CYYR1: variants seen among roughly 807,000 people sequenced by gnomAD.
CYYR1 encodes cysteine and tyrosine rich 1, also known as cysteine and tyrosine-rich protein 1.
In CYYR1, 14 loss-of-function variants were observed where a neutral mutation model predicts 15.2. The ratio of observed to expected loss-of-function variants is 0.92; its 90% CI spans 0.61 to 1.44. The LOEUF is 1.44. Among genes scored for constraint, CYYR1 ranks in the 40% most tolerant of loss-of-function variants. CYYR1 has a pLI of 0.00. For missense variants in CYYR1, 228 were observed against 209.5 expected (o/e 1.09, Z -0.54); for synonymous variants, 80 against 77.4 (o/e 1.03, Z -0.18).
chr21:26,482,273 T>G, intron 2 of CYYR1: 1 of 965,882 alleles, frequency 1.0e-6, no homozygotes, highest in Non-Finnish European at 1.2e-6. Context: ...AACTTACTAT[T>G]TTTAAACAAT....
chr21:26,489,828 T>C (rs2065302699), intron 2 of CYYR1, among the ~76,000 whole-genome samples: 1 of 152,166 alleles, frequency 6.6e-6, no homozygotes, highest in South Asian at 2.1e-4. Context: ...ACAGGTATAA[T>C]TGTATCCCCA....
chr21:26,535,645 C>G (rs558104521), intron 2 of CYYR1, among the ~76,000 whole-genome samples: 2 of 152,292 alleles, frequency 1.3e-5, no homozygotes, highest in African/African-American at 4.8e-5. Context: ...ACTAGGGGCT[C>G]TCTCCAATTT....
chr21:26,472,461 C>A (rs2065047671), intron 3 of CYYR1, among the ~76,000 whole-genome samples: 1 of 151,902 alleles, frequency 6.6e-6, no homozygotes, highest in Admixed American at 6.6e-5. Flanking sequence ...TAAGGGTATA[C>A]AAGTACATTA....
intron 2 of CYYR1, 106 bp downstream of exon 2, chr21:26,566,160 T>C (rs1210996871): frequency 3.9e-6 from 3 of 760,846 alleles, no homozygotes; most frequent in Admixed American, 2.5e-5. Flanking sequence ...ATAACCAATC[T>C]TGAAATCTCT....
chr21:26,516,291 T>C (rs1356547220), intron 2 of CYYR1, among the ~76,000 whole-genome samples: 4 of 152,234 alleles, frequency 2.6e-5, no homozygotes, highest in African/African-American at 9.7e-5. Flanking sequence ...CAACTTGAAC[T>C]GTAGGGCAAA....
chr21:26,560,491 T>C (rs543149591), intron 2 of CYYR1, among the ~76,000 whole-genome samples: 76 of 152,320 alleles, frequency 5.0e-4, no homozygotes, highest in Admixed American at 2.2e-3. Flanking sequence ...AGGCACTAGT[T>C]TGTCATATTT....
chr21:26,473,560 T>C (rs1192451036), intron 3 of CYYR1, among the ~76,000 whole-genome samples: 1 of 152,136 alleles, frequency 6.6e-6, no homozygotes, highest in African/African-American at 2.4e-5. Flanking sequence ...TTTCCAAAAG[T>C]TCCCCACCCC....
chr21:26,482,527 A>G (rs2065195690), intron 2 of CYYR1: 1 of 984,818 alleles, frequency 1.0e-6, no homozygotes, highest in South Asian at 4.7e-5. Flanking sequence ...TCTGGACCCA[A>G]TTCTTGCTAA....
intron 2 of CYYR1, chr21:26,551,540 T>C (rs912032204): frequency 2.6e-5 from 4 of 152,766 alleles, no homozygotes; most frequent in African/African-American, 9.6e-5. Context: ...AAGAAATTTA[T>C]TCCAGCCCTC....
chr21:26,509,339 T>C (rs2123507313), intron 2 of CYYR1, among the ~76,000 whole-genome samples: 1 of 152,294 alleles, frequency 6.6e-6, no homozygotes, highest in Middle Eastern at 3.4e-3. Flanking sequence ...TTTACGTGAG[T>C]TCTTTCTTGA....
intron 3 of CYYR1, among the ~76,000 whole-genome samples, chr21:26,474,658 C>T (rs1487730001): frequency 1.3e-5 from 2 of 152,114 alleles, no homozygotes; most frequent in African/African-American, 4.8e-5. Context: ...TTTCAACATC[C>T]ACCTAACCCT....
chr21:26,517,582 G>A (rs1244680763), intron 2 of CYYR1, among the ~76,000 whole-genome samples: 3 of 152,130 alleles, frequency 2.0e-5, no homozygotes, highest in South Asian at 4.1e-4. Flanking sequence ...TGGAGACAGA[G>A]TCTTGCTTTG....
At chr21:26,543,644 G>A (rs1173785307) in intron 2 of CYYR1, among the ~76,000 whole-genome samples, 1 of 152,174 alleles carries the variant, frequency 6.6e-6, no homozygotes, top group African/African-American at 2.4e-5. Context: ...GGTGGCTCAC[G>A]CCTGTAATCC....
chr21:26,538,976 T>G (rs1978360374), intron 2 of CYYR1, among the ~76,000 whole-genome samples: 2 of 152,186 alleles, frequency 1.3e-5, no homozygotes, highest in South Asian at 4.1e-4. Flanking sequence ...ATAACTACTA[T>G]AATTTTGAAA....
At chr21:26,469,767 T>A (rs1480476652) in intron 3 of CYYR1, among the ~76,000 whole-genome samples, 1 of 152,182 alleles carries the variant, frequency 6.6e-6, no homozygotes, top group Non-Finnish European at 1.5e-5. Context: ...TTTCTCCCTA[T>A]CCATCCTTTT....
chr21:26,516,664 T>C (rs1484140251), intron 2 of CYYR1, among the ~76,000 whole-genome samples: 1 of 152,228 alleles, frequency 6.6e-6, no homozygotes, highest in Non-Finnish European at 1.5e-5. Flanking sequence ...GATTCACTTG[T>C]ATTGGCCTCT....
At chr21:26,564,889 T>C in intron 2 of CYYR1, 1 of 982,482 alleles carries the variant, frequency 1.0e-6, no homozygotes, top group African/African-American at 1.7e-5. Context: ...ATTTTGTTAC[T>C]TTAAATACTG....
At chr21:26,537,564 C>T (rs560009553) in intron 2 of CYYR1, among the ~76,000 whole-genome samples, 17 of 152,218 alleles carry the variant, frequency 1.1e-4, no homozygotes, top group African/African-American at 3.4e-4. Flanking sequence ...GAAGAGCACA[C>T]GCCAAATAAT....
chr21:26,571,680 ACT>A lies in CYYR1; in HGVS notation c.73+1186_73+1187del, dbSNP rs773969400. Among the ~76,000 whole-genome samples the A allele has an allele frequency of 1.1e-4, 17 of 152,352 alleles. 1 individual carries two copies. The highest frequency in any genetic ancestry group is 2.1e-4 in the South Asian group (1 of 4,834). ...TAGAAAATGAATATTAATGCAGTTG[ACT>A]CTGTTAATCCCTCAAATTCTGAAAA... On this transcript the variant is annotated intron_variant, in intron 1 of 3. Transcript: ENST00000652641.
Sources: allele counts gnomAD v4.1 joint callset (sites outside exome capture counted in the v4.1 genomes callset), GRCh38; gene constraint gnomAD v4.1.1; transcripts MANE v1.5; gene names NCBI Gene and HGNC (gene_info 2026-07-23, HGNC 2026-07-21).